The following PRKCB variants were observed in gnomAD, a reference collection of about 807,000 sequenced individuals.
PRKCB encodes protein kinase C beta.
A neutral mutation model predicts 81.5 loss-of-function variants in PRKCB; 13 were observed. That is an observed-to-expected ratio of 0.16 (90% CI 0.10 to 0.25). The LOEUF is 0.25. Ranked by LOEUF, PRKCB falls within the 10% of genes least tolerant of loss-of-function variation. The pLI is 1.00. For synonymous variants in PRKCB, 335 were observed against 321.4 expected, an observed-to-expected ratio of 1.04 and a Z score of -0.45; for missense variants, 509 against 875.7, an observed-to-expected ratio of 0.58 and a Z score of 5.29.
At chr16:23,861,820 A>T (rs920347481) in intron 2 of PRKCB, among the ~76,000 whole-genome samples, 1 of 152,228 alleles carries the variant, frequency 6.6e-6, no homozygotes, top group Non-Finnish European at 1.5e-5. Flanking sequence ...GAGGGAGAGG[A>T]TCTGTCTCCT....
intron 2 of PRKCB, among the ~76,000 whole-genome samples, chr16:23,838,518 G>T (rs2023671): frequency 0.75 from 114,221 of 152,164 alleles, 42,941 homozygotes; most frequent in Admixed American, 0.79. Flanking sequence ...GGTAAGAAAC[G>T]GCACATTTCT....
At chr16:24,121,938 G>A (rs547629324) in intron 8 of PRKCB, among the ~76,000 whole-genome samples, 1 of 152,280 alleles carries the variant, frequency 6.6e-6, no homozygotes, top group South Asian at 2.1e-4. Context: ...CCTTCTCTGT[G>A]CCATACTCCT....
intron 2 of PRKCB, among the ~76,000 whole-genome samples, chr16:23,927,915 C>T (rs939226184): frequency 6.6e-5 from 10 of 151,764 alleles, no homozygotes; most frequent in African/African-American, 9.7e-5. Flanking sequence ...GGGCTTAGGG[C>T]GTGGATCTGG....
chr16:24,182,468 C>T (rs1272727582), intron 13 of PRKCB, among the ~76,000 whole-genome samples: 2 of 152,114 alleles, frequency 1.3e-5, no homozygotes, highest in African/African-American at 4.8e-5. Context: ...CTGCAGTAAG[C>T]AGTGATCATG....
rs1053626995 is a variant in PRKCB at position 24,053,168 on chromosome 16, T to C, written c.529+17621T>C. 3.3e-5 allele frequency among the ~76,000 whole-genome samples: 5 copies of C among 152,212 alleles called. 1 individual carries two copies. Among genetic ancestry groups the C allele is most frequent in the Non-Finnish European group, 7.3e-5 (5 of 68,038 alleles). On this transcript the variant is annotated intron_variant, in intron 5 of 16. Transcript: ENST00000643927. Reference sequence around the variant, plus strand: ...TCCAGCACGGGGTTACTGCCATTTGTAGTTCACTCACTCAAAAAAAAGTGA... The same window carrying C: ...TCCAGCACGGGGTTACTGCCATTTGCAGTTCACTCACTCAAAAAAAAGTGA...
At chr16:23,976,886 G>A (rs1450239043) in intron 2 of PRKCB, among the ~76,000 whole-genome samples, 2 of 152,190 alleles carry the variant, frequency 1.3e-5, no homozygotes, top group African/African-American at 2.4e-5. Flanking sequence ...GGGAAGGGTA[G>A]GGGCAGCTTT....
At chr16:24,038,118 GT>G (rs1373387672) in intron 5 of PRKCB, among the ~76,000 whole-genome samples, 1 of 152,084 alleles carries the variant, frequency 6.6e-6, no homozygotes, top group East Asian at 1.9e-4. Context: ...GGAGGTGGAG[GT>G]TGCAGTGAGC....
At chr16:23,841,555 A>G (rs1054036708) in intron 2 of PRKCB, among the ~76,000 whole-genome samples, 7 of 151,482 alleles carry the variant, frequency 4.6e-5, no homozygotes, top group African/African-American at 1.7e-4. Context: ...TGACATGATC[A>G]TAGCTCACTG....
chr16:23,919,193 G>A (rs559702226), intron 2 of PRKCB, among the ~76,000 whole-genome samples: 5 of 152,316 alleles, frequency 3.3e-5, no homozygotes, highest in Admixed American at 2.0e-4. Flanking sequence ...AGGGATATAA[G>A]TTGTTAAGGA....
chr16:23,912,601 C>T (rs1300758221), intron 2 of PRKCB, among the ~76,000 whole-genome samples: 1 of 146,206 alleles, frequency 6.8e-6, no homozygotes, highest in East Asian at 2.0e-4. Flanking sequence ...CAGTCTCCGC[C>T]TCCTGGGTTC....
intron 2 of PRKCB, among the ~76,000 whole-genome samples, chr16:23,937,161 AC>A: frequency 6.6e-6 from 1 of 152,180 alleles, no homozygotes; most frequent in East Asian, 1.9e-4. Flanking sequence ...ACCTGCAGGC[AC>A]CATCTGGTGT....
At chr16:24,125,751 C>A (rs897947121) in intron 9 of PRKCB, among the ~76,000 whole-genome samples, 4 of 152,140 alleles carry the variant, frequency 2.6e-5, no homozygotes, top group Non-Finnish European at 4.4e-5. Context: ...AGATTGAATG[C>A]GTGGATTCTC....
intron 7 of PRKCB, among the ~76,000 whole-genome samples, chr16:24,106,433 G>A (rs1966579415): frequency 6.6e-6 from 1 of 152,116 alleles, no homozygotes; most frequent in African/African-American, 2.4e-5. Context: ...AACCACTATT[G>A]ACCCTATAGA....
intron 16 of PRKCB, among the ~76,000 whole-genome samples, chr16:24,205,145 CT>C (rs71154289): frequency 0.15 from 16,964 of 115,656 alleles, 1,384 homozygotes; most frequent in Non-Finnish European, 0.19. Context: ...ATTATAATTC[CT>C]TTTTTTTTTT....
chr16:23,885,032 T>C (rs1179014988), intron 2 of PRKCB, among the ~76,000 whole-genome samples: 1 of 152,004 alleles, frequency 6.6e-6, no homozygotes, highest in Non-Finnish European at 1.5e-5. Flanking sequence ...CTCAAGATAA[T>C]AGTAATGCCT....
chr16:23,860,526 G>C (rs1046138978), intron 2 of PRKCB, among the ~76,000 whole-genome samples: 1 of 152,134 alleles, frequency 6.6e-6, no homozygotes, highest in Non-Finnish European at 1.5e-5. Flanking sequence ...TATGTTACTG[G>C]TGGCACTCAA....
At chr16:24,028,624 G>A (rs1965512977) in intron 3 of PRKCB, among the ~76,000 whole-genome samples, 1 of 152,224 alleles carries the variant, frequency 6.6e-6, no homozygotes, top group African/African-American at 2.4e-5. Flanking sequence ...ATCCTTTCGA[G>A]GTTCATGAAT....
At chr16:24,063,963 C>T (rs1489918100) in intron 5 of PRKCB, among the ~76,000 whole-genome samples, 2 of 152,118 alleles carry the variant, frequency 1.3e-5, no homozygotes, top group African/African-American at 2.4e-5. Context: ...AACTGACTGA[C>T]ATATTGTTGG....
chr16:24,017,365 T>C (rs1965292964), intron 3 of PRKCB, among the ~76,000 whole-genome samples: 1 of 152,058 alleles, frequency 6.6e-6, no homozygotes, highest in African/African-American at 2.4e-5. Context: ...CCAAGGGAAA[T>C]GATGATTTCA....
Sources: allele counts gnomAD v4.1 joint callset (sites outside exome capture counted in the v4.1 genomes callset), GRCh38; gene constraint gnomAD v4.1.1; transcripts MANE v1.5; gene names NCBI Gene and HGNC (gene_info 2026-07-23, HGNC 2026-07-21).